The following ELP2 variants were observed in gnomAD, a reference collection of about 807,000 sequenced individuals.
ELP2 encodes elongator acetyltransferase complex subunit 2, also known as elongator complex protein 2.
A neutral mutation model predicts 119.2 loss-of-function variants in ELP2; 90 were observed. The ratio of observed to expected loss-of-function variants is 0.75; its 90% CI spans 0.64 to 0.90. The LOEUF is 0.90. Among genes scored for constraint, ELP2 ranks in the 40% least tolerant of loss-of-function variants. The pLI is 0.00. For synonymous variants in ELP2, 339 were observed against 331.0 expected, an observed-to-expected ratio of 1.02 and a Z score of -0.26; for missense variants, 921 against 967.8, an observed-to-expected ratio of 0.95 and a Z score of 0.64.
chr18:36,138,746 T>A (rs1406061480), intron 4 of ELP2, 49 bp from the exon 5 acceptor site: 1 of 1,463,256 alleles, frequency 6.8e-7, no homozygotes, highest in Non-Finnish European at 9.6e-7. Flanking sequence ...TCTAGTTGGA[T>A]AAGCTCTGAG....
intron 1 of ELP2, among the ~76,000 whole-genome samples, chr18:36,130,574 G>A (rs1036688743): frequency 2.0e-5 from 3 of 152,182 alleles, no homozygotes; most frequent in African/African-American, 7.2e-5. Flanking sequence ...CAGTTTGGGG[G>A]AAAGGTCATA....
chr18:36,163,097 A>G (rs2090788644), intron 17 of ELP2, among the ~76,000 whole-genome samples: 2 of 152,012 alleles, frequency 1.3e-5, no homozygotes, highest in African/African-American at 2.4e-5. Context: ...CTATTATTTC[A>G]TGCCATATGT....
chr18:36,143,834 T>C (rs140107369), intron 8 of ELP2, among the ~76,000 whole-genome samples: 1 of 152,246 alleles, frequency 6.6e-6, no homozygotes, highest in Non-Finnish European at 1.5e-5. Context: ...AAGTAATTTG[T>C]AAAATATTAC....
rs543256101 is a variant in ELP2, at chr18:36,154,505, T to C, written c.1126-345T>C. On this transcript the variant is annotated intron_variant, in intron 11 of 21. Coordinates refer to ENST00000358232, the MANE Select transcript of ELP2 (RefSeq NM_018255.4). ...GTCCTGTGTACTTTACAAAAGTAACTCATTTAATCCTCATAATAACCCTAG... is the reference window on the plus strand; with the variant it reads ...GTCCTGTGTACTTTACAAAAGTAACCCATTTAATCCTCATAATAACCCTAG... 3.3e-5 allele frequency among the ~76,000 whole-genome samples: 5 copies of C among 152,366 alleles called. No individual in the cohort carries two copies. The South Asian group carries it at 1.0e-3, about 32-fold the overall frequency.
intron 11 of ELP2, among the ~76,000 whole-genome samples, chr18:36,151,925 T>C (rs887164266): frequency 2.1e-4 from 31 of 150,972 alleles, no homozygotes; most frequent in Non-Finnish European, 3.2e-4. Flanking sequence ...TTTTTTTTTT[T>C]GTATTTTTAG....
At chr18:36,172,435 G>A (rs2091109370) in intron 21 of ELP2, among the ~76,000 whole-genome samples, 1 of 152,156 alleles carries the variant, frequency 6.6e-6, no homozygotes, top group African/African-American at 2.4e-5. Flanking sequence ...TGTGAGCAAT[G>A]TCTTAAGATA....
At position 36,179,964 on chromosome 18, in the gene ELP2, C is replaced by CA. The variant is rs1355548740; in HGVS notation, c.*5324dup. The CA allele has an allele frequency of 1.3e-5, 2 of 152,090 alleles. No individual in the cohort carries two copies. The highest frequency in any genetic ancestry group is 2.9e-5 in the Non-Finnish European group (2 of 68,038). 9.4% of individuals were successfully genotyped at this position (152,090 alleles called of 1,614,324 possible). On this transcript the variant is annotated 3_prime_UTR_variant, in exon 22 of 22. Coordinates refer to ENST00000358232, the MANE Select transcript of ELP2 (RefSeq NM_018255.4). ...GAGATTAGTGTATGAGTCTGGCTTC[C>CA]ATTCAACTGTGTGTGAAAAAAAATT...
chr18:36,173,808 A>G (rs1216343784), intron 21 of ELP2, among the ~76,000 whole-genome samples: 1 of 152,180 alleles, frequency 6.6e-6, no homozygotes, highest in East Asian at 1.9e-4. Flanking sequence ...TTGGGAAGCT[A>G]ATTTGCAGGT....
At chr18:36,131,759 G>A (rs2089639246) in intron 1 of ELP2, among the ~76,000 whole-genome samples, 1 of 152,146 alleles carries the variant, frequency 6.6e-6, no homozygotes, top group Non-Finnish European at 1.5e-5. Flanking sequence ...ATGAAATTCT[G>A]ATTCAGCTGT....
At chr18:36,131,536 C>G (rs896102406) in intron 1 of ELP2, among the ~76,000 whole-genome samples, 1 of 152,200 alleles carries the variant, frequency 6.6e-6, no homozygotes, top group Non-Finnish European at 1.5e-5. Context: ...GAAGCAGGAG[C>G]CCGGGAGAGC....
In ELP2 at chr18:36,142,848, C is replaced by T. The variant is rs376640779; in HGVS notation, c.678C>T (p.Ser226=). The T allele has an allele frequency of 4.4e-6, 7 of 1,603,598 alleles. No homozygotes were observed. In the African/African-American group the frequency reaches 6.7e-5, roughly 15 times the overall value. The change falls in exon 8 of 22, where the codon AGC becomes AGT. Residue 226 remains serine, a synonymous_variant. Transcript: ENST00000358232. ...AAFGRDLFLA[S]CSQDCLIRIW... ...TAGGTAGAGATCTTTTCCTAGCAAG[C>T]TGTTCACAAGATTGCCTGATAAGAA... is the stretch of plus-strand genomic sequence containing the variant.
At chr18:36,131,031 G>A (rs553116824) in intron 1 of ELP2, among the ~76,000 whole-genome samples, 6 of 151,880 alleles carry the variant, frequency 4.0e-5, no homozygotes. Flanking sequence ...AAAAATAGCT[G>A]GTTGTGGTGG....
chr18:36,145,984 C>T lies in ELP2; in HGVS notation c.929C>T (p.Ala310Val). The change falls in exon 10 of 22, where the codon GCT (alanine) becomes GTT (valine). Residue 310 changes from alanine to valine, a missense_variant. By Grantham distance (64) the Ala-to-Val change is moderately conservative. Coordinates refer to ENST00000358232, the MANE Select transcript of ELP2 (RefSeq NM_018255.4). The stretch of plus-strand genomic sequence containing the variant: ...CAGCAGCCAGTGAGATTATTATCTG[C>T]TTCCATGGATAAAACCATGATTCTC... ...VLQQPVRLLS[A>V]SMDKTMILWA... The T allele has an allele frequency of 6.2e-7, 1 of 1,613,962 alleles. No individual in the cohort carries two copies. Among genetic ancestry groups the T allele is most frequent in the Non-Finnish European group, 8.5e-7 (1 of 1,179,888 alleles).
At chr18:36,159,140 T>A (rs2090656492) in intron 14 of ELP2, among the ~76,000 whole-genome samples, 1 of 147,588 alleles carries the variant, frequency 6.8e-6, no homozygotes, top group Non-Finnish European at 1.5e-5. Flanking sequence ...TGAGACAGAG[T>A]CTTGCTCTGT....
In ELP2 at chr18:36,174,581, T is replaced by C; in HGVS notation, c.2421T>C (p.Phe807=). The C allele has an allele frequency of 1.2e-6, 2 of 1,614,172 alleles. No homozygotes were observed. The highest frequency in any genetic ancestry group is 1.1e-5 in the South Asian group (1 of 91,080). Residue 807 remains phenylalanine (F), a synonymous_variant, in exon 22 of 22, where the codon TTT becomes TTC. Transcript: ENST00000358232. ...KEAEGAEWLH[F]ASCGEDHTVK... is the part of the protein sequence containing the mutation. ...CAGAAGGTGCTGAGTGGTTACACTT[T>C]GCAAGCTGTGGTGAAGATCACACTG... is the stretch of plus-strand genomic sequence containing the variant.
chr18:36,130,411 G>C (rs1317282489), intron 1 of ELP2, among the ~76,000 whole-genome samples: 2 of 152,188 alleles, frequency 1.3e-5, no homozygotes, highest in Admixed American at 1.3e-4. Context: ...TAAAACAATT[G>C]AAATTTATAT....
intron 11 of ELP2, among the ~76,000 whole-genome samples, chr18:36,149,487 T>G (rs1244104196): frequency 6.1e-5 from 8 of 132,208 alleles, no homozygotes; most frequent in African/African-American, 1.9e-4. Flanking sequence ...TGTTTTGTTT[T>G]GTTTTTTTTT....
chr18:36,173,025 C>G (rs541930546), intron 21 of ELP2, among the ~76,000 whole-genome samples: 2 of 152,154 alleles, frequency 1.3e-5, no homozygotes, highest in African/African-American at 4.8e-5. Flanking sequence ...GCCAAACTCC[C>G]TATCTTCTTA....
At chr18:36,154,142 C>T (rs569464769) in intron 11 of ELP2, among the ~76,000 whole-genome samples, 1 of 146,494 alleles carries the variant, frequency 6.8e-6, no homozygotes, top group African/African-American at 2.5e-5. Flanking sequence ...TTTTGAATGA[C>T]CTATTAGCTA....
Sources: gnomAD v4.1 joint callset for allele counts (sites outside exome capture counted in the v4.1 genomes callset) on GRCh38, gnomAD v4.1.1 for gene constraint, MANE v1.5 for transcripts, NCBI Gene and HGNC (gene_info 2026-07-23, HGNC 2026-07-21) for gene names.